Variants in PCDH9 observed in about 807,000 individuals in gnomAD.
PCDH9 encodes the protein protocadherin 9.
Under a neutral mutation model 70.6 loss-of-function variants are expected in PCDH9, and 24 were observed. The observed-to-expected ratio is 0.34, with a 90% CI of 0.25 to 0.48. The LOEUF is 0.48. PCDH9 is among the 20% of genes least tolerant of loss of function. The pLI is 0.99. For missense variants in PCDH9, 1,281 were observed against 1,503.6 expected (o/e 0.85, Z 2.45); for synonymous variants, 562 against 558.5 (o/e 1.01, Z -0.09).
intron 3 of PCDH9, among the ~76,000 whole-genome samples, chr13:66,807,406 G>A (rs1332203966): frequency 1.3e-5 from 2 of 151,844 alleles, no homozygotes; most frequent in African/African-American, 2.4e-5. Flanking sequence ...ATCAAACTCC[G>A]GTCCATCTCC....
At chr13:66,824,889 T>C (rs1177916561) in intron 3 of PCDH9, among the ~76,000 whole-genome samples, 1 of 151,578 alleles carries the variant, frequency 6.6e-6, no homozygotes, top group Non-Finnish European at 1.5e-5. Context: ...GACTCTATCC[T>C]CATAACAGGA....
intron 4 of PCDH9, among the ~76,000 whole-genome samples, chr13:66,626,045 T>C (rs2077494082): frequency 6.6e-6 from 1 of 152,138 alleles, no homozygotes; most frequent in Admixed American, 6.5e-5. Context: ...ATTTGCAAAG[T>C]TGTACAGCTA....
chr13:66,894,884 T>G (rs942269311), intron 3 of PCDH9, among the ~76,000 whole-genome samples: 5 of 152,128 alleles, frequency 3.3e-5, no homozygotes, highest in Admixed American at 1.3e-4. Context: ...CTCAGCTTAC[T>G]GCAACCTCCG....
chr13:67,100,028 TAAAAG>T (rs2086399983), intron 2 of PCDH9, among the ~76,000 whole-genome samples: 1 of 152,034 alleles, frequency 6.6e-6, no homozygotes, highest in Non-Finnish European at 1.5e-5. Context: ...TAAAAGAAAA[TAAAAG>T]AAAACATTAG....
intron 4 of PCDH9, among the ~76,000 whole-genome samples, chr13:66,313,093 G>A (rs1368855615): frequency 1.3e-5 from 2 of 152,120 alleles, no homozygotes; most frequent in African/African-American, 2.4e-5. Context: ...AAAGCTAATT[G>A]CTGTAAAGAA....
intron 2 of PCDH9, among the ~76,000 whole-genome samples, chr13:67,173,526 G>T (rs2088356474): frequency 6.6e-6 from 1 of 152,130 alleles, no homozygotes; most frequent in African/African-American, 2.4e-5. Context: ...CACTGCAGGA[G>T]TTTCACAAGA....
chr13:66,736,883 A>T (rs780322992), intron 3 of PCDH9, among the ~76,000 whole-genome samples: 3 of 152,198 alleles, frequency 2.0e-5, no homozygotes, highest in Non-Finnish European at 4.4e-5. Flanking sequence ...TCTATCTTCC[A>T]GAGATCTTTC....
At chr13:66,784,563 T>C (rs1019668474) in intron 3 of PCDH9, among the ~76,000 whole-genome samples, 1 of 152,150 alleles carries the variant, frequency 6.6e-6, no homozygotes, top group African/African-American at 2.4e-5. Context: ...ATTTTGAGTT[T>C]TTCTATTACA....
intron 2 of PCDH9, among the ~76,000 whole-genome samples, chr13:67,070,480 C>G (rs927900009): frequency 1.3e-5 from 2 of 152,196 alleles, no homozygotes; most frequent in Non-Finnish European, 2.9e-5. Context: ...ATGAAAGTAG[C>G]CTTTATTACT....
At chr13:66,876,763 T>A (rs2081819055) in intron 3 of PCDH9, 1 of 152,068 alleles carries the variant, frequency 6.6e-6, no homozygotes, top group African/African-American at 2.4e-5. Context: ...GCAGGCAAAA[T>A]GCAACCTTAT....
intron 4 of PCDH9, among the ~76,000 whole-genome samples, chr13:66,384,403 C>G (rs1284418894): frequency 6.6e-6 from 1 of 151,914 alleles, no homozygotes; most frequent in Non-Finnish European, 1.5e-5. Flanking sequence ...GTTGTTCTAT[C>G]AGAAAAAAAA....
intron 2 of PCDH9, among the ~76,000 whole-genome samples, chr13:67,185,393 A>G (rs375411580): frequency 1.3e-4 from 20 of 152,200 alleles, no homozygotes; most frequent in African/African-American, 4.8e-4. Flanking sequence ...ATATTGTACT[A>G]TGCTGTAACA....
At chr13:66,616,301 G>A (rs12428612) in intron 4 of PCDH9, among the ~76,000 whole-genome samples, 1,825 of 152,104 alleles carry the variant, frequency 0.012, 100 homozygotes, top group Admixed American at 0.094. Flanking sequence ...AATCCAAAAG[G>A]CCTATGTAGA....
intron 4 of PCDH9, among the ~76,000 whole-genome samples, chr13:66,311,366 CTG>C (rs71803849): frequency 0.45 from 59,188 of 132,504 alleles, 12,739 homozygotes; most frequent in Middle Eastern, 0.53. Context: ...CTCTCTCTCT[CTG>C]TGTGTGTGTG....
chr13:66,561,496 T>A (rs777035581), intron 4 of PCDH9, among the ~76,000 whole-genome samples: 1 of 152,154 alleles, frequency 6.6e-6, no homozygotes, highest in African/African-American at 2.4e-5. Flanking sequence ...CTGAGTCTGG[T>A]GGGAACTTGG....
At chr13:66,737,715 G>A (rs1357939875) in intron 3 of PCDH9, among the ~76,000 whole-genome samples, 6 of 152,136 alleles carry the variant, frequency 3.9e-5, no homozygotes, top group Non-Finnish European at 7.4e-5. Flanking sequence ...TTCCCTTTCC[G>A]AGTCAAAGAA....
intron 2 of PCDH9, among the ~76,000 whole-genome samples, chr13:67,164,827 A>G (rs1450769548): frequency 6.6e-6 from 1 of 152,072 alleles, no homozygotes; most frequent in Non-Finnish European, 1.5e-5. Flanking sequence ...GACCATCTTC[A>G]CATACAGGAA....
intron 2 of PCDH9, among the ~76,000 whole-genome samples, chr13:66,907,945 A>G (rs1204222085): frequency 3.3e-5 from 5 of 152,226 alleles, no homozygotes; most frequent in African/African-American, 1.2e-4. Flanking sequence ...CATTTATTTA[A>G]AAACTCCCAC....
intron 4 of PCDH9, among the ~76,000 whole-genome samples, chr13:66,588,677 T>A (rs1009241018): frequency 6.6e-6 from 1 of 151,982 alleles, no homozygotes; most frequent in Non-Finnish European, 1.5e-5. Flanking sequence ...AGAAAGGCAT[T>A]CAGGATAAAA....
Sources: gnomAD v4.1 joint callset for allele counts (sites outside exome capture counted in the v4.1 genomes callset) on GRCh38, gnomAD v4.1.1 for gene constraint, MANE v1.5 for transcripts, NCBI Gene and HGNC (gene_info 2026-07-23, HGNC 2026-07-21) for gene names.